The following GFUS variants were observed in gnomAD, a reference collection of about 807,000 sequenced individuals.
The protein encoded by GFUS is 3-5 epimerase/4-reductase.
A neutral mutation model predicts 41.5 loss-of-function variants in GFUS; 42 were observed. That is an observed-to-expected ratio of 1.01 (90% confidence interval 0.79 to 1.31). GFUS has a LOEUF of 1.31. Among genes scored for constraint, GFUS ranks in the 50% most tolerant of loss-of-function variants. The pLI, the probability that GFUS is intolerant of heterozygous loss-of-function variation, is 0.00. For synonymous variants in GFUS, 188 were observed against 173.4 expected (o/e 1.08, Z -0.66); for missense variants, 437 against 428.7 (o/e 1.02, Z -0.17).
Position 143,613,226 on chromosome 8 carries a change from G to A in GFUS, c.880C>T (p.Pro294Ser). The change falls in exon 10 of 11, where the codon CCC becomes TCC. Residue 294 changes from proline to serine, a missense_variant. Pro to Ser is a moderately conservative substitution (Grantham distance 74, BLOSUM62 -1). Transcript: ENST00000425753. ...ASNSKLRTYLPDFRFTPFKQA... is the reference protein window; with the variant it reads ...ASNSKLRTYLSDFRFTPFKQA... ...TTGAAGGGTGTGAACCGGAAGTCGG[G>A]CAGGTAGGTCCTCAGCTTGCTGTTA... 1 of 1,614,032 alleles carries A rather than the reference G, an allele frequency of 6.2e-7. No individual in the cohort carries two copies. The highest frequency in any genetic ancestry group is 8.5e-7 in the Non-Finnish European group (1 of 1,179,968).
At chr8:143,614,579 T>A (rs1181884179) in intron 5 of GFUS, 45 bp downstream of exon 5, 6 of 1,558,630 alleles carry the variant, frequency 3.8e-6, no homozygotes, top group Admixed American at 1.8e-5. Flanking sequence ...CTGGGGGCCC[T>A]CTCCCCGACT....
In GFUS at chr8:143,613,706, C is replaced by A. The variant is rs377750231; in HGVS notation, c.730+45G>T. On this transcript the variant is annotated intron_variant, in intron 8 of 10. Coordinates refer to ENST00000425753, the MANE Select transcript of GFUS (RefSeq NM_003313.4). ...CCAGCCTCCCAGGACAACCTTGGAT[C>A]CTGTCCTACCATGGAGGAAGGGGGC... 2.1e-5 allele frequency: 32 copies of A among 1,557,606 alleles called. No individual in the cohort carries two copies. The African/African-American group carries it at 3.4e-4, about 17-fold the overall frequency.
chr8:143,616,838 G>A, intron 1 of GFUS, 115 bp from the exon 2 acceptor site: 1 of 1,310,454 alleles, frequency 7.6e-7, no homozygotes, highest in Non-Finnish European at 1.1e-6. Context: ...TAGTCCACTG[G>A]CAACCAGAAA....
intron 9 of GFUS, 99 bp from the exon 10 acceptor site, chr8:143,613,394 A>C (rs911676088): frequency 2.1e-5 from 31 of 1,485,540 alleles, no homozygotes; most frequent in Non-Finnish European, 2.6e-5. Flanking sequence ...GCCACAGCAG[A>C]GCTCCTCCGC....
At chr8:143,614,266 G>A (rs1829659552) in intron 6 of GFUS, 38 bp from the exon 7 acceptor site, 1 of 1,613,688 alleles carries the variant, frequency 6.2e-7, no homozygotes, top group African/African-American at 1.3e-5. Context: ...CAGAGGCACT[G>A]GGTCACCTCC....
intron 7 of GFUS, 70 bp from the exon 8 acceptor site, chr8:143,613,887 G>C: frequency 6.8e-7 from 1 of 1,480,592 alleles, no homozygotes; most frequent in Non-Finnish European, 9.2e-7. Context: ...CCCTGCTGGG[G>C]AGTCCATACT....
Position 143,612,734 on chromosome 8 carries a change from C to G in GFUS, c.*176G>C. On this transcript the variant is annotated 3_prime_UTR_variant, in exon 11 of 11. Coordinates refer to ENST00000425753, the MANE Select transcript of GFUS (RefSeq NM_003313.4). ...CGGGCCTGCCCGGGACCCTGGTTTCCCTGAGGACCAACGTGAATGGGGGCC... is the reference window on the plus strand; with the variant it reads ...CGGGCCTGCCCGGGACCCTGGTTTCGCTGAGGACCAACGTGAATGGGGGCC... 1 of 761,874 alleles carries G rather than the reference C, an allele frequency of 1.3e-6. No individual in the cohort carries two copies. The highest frequency in any genetic ancestry group is 2.1e-6 in the Non-Finnish European group (1 of 470,392). The allele number at this position is 761,874 out of a possible 1,614,324, so 47.2% of individuals were successfully genotyped here.
rs1404712455 is a variant in GFUS at position 143,614,365 on chromosome 8, C to T, written c.553G>A (p.Gly185Ser). Residue 185 changes from glycine (G) to serine (S), a missense_variant, in exon 6 of 11, where the codon GGC (glycine) becomes AGC (serine). Gly to Ser is a moderately conservative substitution (Grantham distance 56). Transcript: ENST00000425753. ...GPHDNFNIEDGHVLPGLIHKV... is the reference protein window; with the variant it reads ...GPHDNFNIEDSHVLPGLIHKV... ...TGGATGAGGCCAGGCAGCACGTGGC[C>T]ATCCTCGATGTTGAAGTTGTCGTGG... The T allele has an allele frequency of 7.4e-6, 12 of 1,613,768 alleles. No individual in the cohort carries two copies. Among genetic ancestry groups the T allele is most frequent in the Admixed American group, 1.7e-5 (1 of 60,000 alleles).
chr8:143,612,974 GC>G lies in GFUS; in HGVS notation c.911-10del, dbSNP rs1563685093. 6.2e-7 allele frequency: 1 copy of G among 1,608,834 alleles called. No individual in the cohort carries two copies. The highest frequency in any genetic ancestry group is 2.2e-5 in the East Asian group (1 of 44,642). ...ACAGGTCTCCTTCACCGCTGCAGAG[GC>G]AGGCAGGTGAGGGCCATGGACAGGG... On this transcript the variant is annotated splice_polypyrimidine_tract_variant and intron_variant, in intron 10 of 10. Transcript: ENST00000425753.
chr8:143,615,668 C>T (rs1265804109), intron 3 of GFUS, among the ~76,000 whole-genome samples: 12 of 152,210 alleles, frequency 7.9e-5, no homozygotes, highest in African/African-American at 2.9e-4. Flanking sequence ...CCCCCAGACA[C>T]AGGCAGCAGA....
intron 3 of GFUS, among the ~76,000 whole-genome samples, chr8:143,615,537 C>G (rs1459309041): frequency 6.6e-6 from 1 of 152,198 alleles, no homozygotes; most frequent in Non-Finnish European, 1.5e-5. Flanking sequence ...AGCCTCTGCT[C>G]ACGCTAGTGC....
Position 143,614,203 on chromosome 8 carries a change from C to T in GFUS, c.624G>A (p.Trp208Ter), listed in dbSNP as rs368480990. The T allele has an allele frequency of 3.7e-6, 6 of 1,613,470 alleles. No homozygotes were observed. The highest frequency in any genetic ancestry group is 5.1e-6 in the Non-Finnish European group (6 of 1,180,034). ...AKSSGSALTV[W>*]GTGNPRRQFI... ...ACTGCCTCCGCGGATTCCCTGTACC[C>T]CACACCGTCAGGGCCGAGCCGCTGC... The change falls in exon 7 of 11, where the codon TGG becomes TGA. Residue 208 changes from tryptophan to a stop codon, truncating the protein, a stop_gained. Coordinates refer to ENST00000425753, the MANE Select transcript of GFUS (RefSeq NM_003313.4). LOFTEE classifies it high-confidence loss of function.
intron 1 of GFUS, chr8:143,616,929 G>A (rs1049692950): frequency 2.4e-5 from 15 of 623,330 alleles, no homozygotes; most frequent in Admixed American, 1.5e-4. Flanking sequence ...CAGGGGTCCT[G>A]AGCTACCACC....
intron 2 of GFUS, 91 bp from the exon 3 acceptor site, chr8:143,616,311 G>A: frequency 7.5e-7 from 1 of 1,329,166 alleles, no homozygotes. Context: ...GACTATGGCA[G>A]GAGGGACAGT....
chr8:143,616,922 G>A (rs1256109817), intron 1 of GFUS, 199 bp from the exon 2 acceptor site: 1 of 641,614 alleles, frequency 1.6e-6, no homozygotes, highest in Non-Finnish European at 2.7e-6. Flanking sequence ...AGCGCCGCAG[G>A]GGTCCTGAGC....
At chr8:143,616,071 G>A (rs745609143) in intron 3 of GFUS, 35 bp downstream of exon 3, 51 of 1,513,808 alleles carry the variant, frequency 3.4e-5, no homozygotes, top group Non-Finnish European at 4.5e-5. Context: ...CTGGGATCCT[G>A]GTTTCCAGTG....
Position 143,613,197 on chromosome 8 carries a change from C to T in GFUS, c.909G>A (p.Gln303=), listed in dbSNP as rs1466541818. The T allele has an allele frequency of 6.2e-7, 1 of 1,613,696 alleles. No homozygotes were observed. The highest frequency in any genetic ancestry group is 2.2e-5 in the East Asian group (1 of 44,866). ...LPDFRFTPFK[Q]AVKETCAWFT... ...GAGGGCTGTGGGGTCAGGGCTCACC[C>T]TGCTTGAAGGGTGTGAACCGGAAGT... Residue 303 remains glutamine (Q), a splice_region_variant and synonymous_variant, in exon 10 of 11, where the codon CAG becomes CAA. Transcript: ENST00000425753.
In GFUS at chr8:143,612,772, T is replaced by C; in HGVS notation, c.*138A>G. ...GTGAATGGGGGCCCCACTGGAAAGA[T>C]GCTTGGGGCTGCAGAGCGGATGGAA... is the stretch of plus-strand genomic sequence containing the variant. On this transcript the variant is annotated 3_prime_UTR_variant, in exon 11 of 11. Transcript: ENST00000425753. 1.8e-6 allele frequency: 2 copies of C among 1,121,144 alleles called. No homozygotes were observed. Among genetic ancestry groups the C allele is most frequent in the Middle Eastern group, 2.2e-4 (1 of 4,496 alleles). The allele number at this position is 1,121,144 out of a possible 1,614,324, so 69.4% of individuals were successfully genotyped here.
Position 143,612,928 on chromosome 8 carries a change from G to C in GFUS, c.948C>G (p.Tyr316Ter). 1 of 1,609,966 alleles carries C rather than the reference G, an allele frequency of 6.2e-7. No individual in the cohort carries two copies. Among genetic ancestry groups the C allele is most frequent in the Non-Finnish European group, 8.5e-7 (1 of 1,178,656 alleles). Reference protein sequence around the residue: ...KETCAWFTDNYEQARK With the variant: ...KETCAWFTDN The stretch of plus-strand genomic sequence containing the variant: ...TCCAGCTTCACTTCCGGGCCTGCTC[G>C]TAGTTGTCAGTGAACCAAGCACAGG... Residue 316 changes from tyrosine (Y) to a stop codon, truncating the protein, a stop_gained, in exon 11 of 11, where the codon TAC (tyrosine) becomes TAG (stop). Coordinates refer to ENST00000425753, the MANE Select transcript of GFUS (RefSeq NM_003313.4). LOFTEE classifies it high-confidence loss of function.
Sources: gnomAD v4.1 joint callset for allele counts (sites outside exome capture counted in the v4.1 genomes callset) on GRCh38, gnomAD v4.1.1 for gene constraint, MANE v1.5 for transcripts, NCBI Gene and HGNC (gene_info 2026-07-23, HGNC 2026-07-21) for gene names.